Variants in CUL1 observed in about 807,000 individuals in gnomAD.
CUL1 encodes cullin-1.
A neutral mutation model predicts 118.0 loss-of-function variants in CUL1; 24 were observed. The ratio of observed to expected loss-of-function variants is 0.20; its 90% CI spans 0.15 to 0.29. The LOEUF is 0.29. CUL1 is among the 10% of genes least tolerant of loss of function. The probability of loss-of-function intolerance (pLI) is 1.00; values close to 1 mark genes in which losing one functional copy is unlikely to be tolerated. For synonymous variants in CUL1, 332 were observed against 340.4 expected (o/e 0.98, Z 0.27); for missense variants, 361 against 933.8 (o/e 0.39, Z 7.99).
upstream of CUL1, chr7:148,698,300 G>C (rs988118724): frequency 6.6e-6 from 1 of 152,446 alleles, no homozygotes; most frequent in African/African-American, 2.4e-5. Context: ...GTGGGGGTGC[G>C]CACAAGGGAG....
At chr7:148,699,435 C>T (rs1173272613) in intron 1 of CUL1, among the ~76,000 whole-genome samples, 1 of 152,046 alleles carries the variant, frequency 6.6e-6, no homozygotes. Flanking sequence ...GTCCGCGCCT[C>T]GCCTGGTGAG....
At chr7:148,767,004 C>A (rs1287609289) in intron 8 of CUL1, among the ~76,000 whole-genome samples, 4 of 152,132 alleles carry the variant, frequency 2.6e-5, no homozygotes, top group Admixed American at 6.5e-5. Flanking sequence ...TTTGAAAATT[C>A]TCTGAGATGA....
chr7:148,794,693 C>A (rs1345942520), intron 17 of CUL1, among the ~76,000 whole-genome samples: 1 of 152,174 alleles, frequency 6.6e-6, no homozygotes, highest in African/African-American at 2.4e-5. Flanking sequence ...TCTCCCACTC[C>A]ATGAACATGG....
At position 148,731,844 on chromosome 7, in the gene CUL1, G is replaced by A. The variant is rs73467428; in HGVS notation, c.140+1582G>A. 3.4e-3 allele frequency among the ~76,000 whole-genome samples: 514 copies of A among 152,274 alleles called. 2 individuals are homozygous for A. The highest frequency in any genetic ancestry group is 0.012 in the African/African-American group (483 of 41,546). Reference sequence around the variant, plus strand: ...TGCTTGGAGGCTTCATCCTTGTAGCGCGTATCACTGTGTACGTCATTCCTT... The same window carrying A: ...TGCTTGGAGGCTTCATCCTTGTAGCACGTATCACTGTGTACGTCATTCCTT... On this transcript the variant is annotated intron_variant, in intron 2 of 21. Coordinates refer to ENST00000325222, the MANE Select transcript of CUL1 (RefSeq NM_003592.3).
In CUL1 at chr7:148,716,477, A is replaced by AT. The variant is rs1178172000; in HGVS notation, c.-161-13479dup. Among the ~76,000 whole-genome samples the AT allele has an allele frequency of 2.0e-5, 3 of 152,286 alleles. No individual in the cohort carries two copies. The South Asian group carries it at 6.2e-4, about 32-fold the overall frequency. Reference sequence around the variant, plus strand: ...AGAGGTTAGTGAAAATAAAGATGTAATTTTTTGTCCCATCTACATTGAGAA... The same window carrying AT: ...AGAGGTTAGTGAAAATAAAGATGTAATTTTTTTGTCCCATCTACATTGAGAA... On this transcript the variant is annotated intron_variant, in intron 1 of 21. Transcript: ENST00000325222.
intron 9 of CUL1, among the ~76,000 whole-genome samples, chr7:148,782,641 G>A (rs1211658594): frequency 2.0e-5 from 3 of 151,998 alleles, no homozygotes; most frequent in Non-Finnish European, 4.4e-5. Context: ...ATTATATAGA[G>A]CTTTTTTTAA....
At position 148,800,357 on chromosome 7, in the gene CUL1, T is replaced by C. The variant is rs1218141875; in HGVS notation, c.2251-145T>C. 1 of 636,708 alleles carries C rather than the reference T, an allele frequency of 1.6e-6. No individual in the cohort carries two copies. Among genetic ancestry groups the C allele is most frequent in the Non-Finnish European group, 2.8e-6 (1 of 362,634 alleles). The allele number at this position is 636,708 out of a possible 1,614,324, so 39.4% of individuals were successfully genotyped here. On this transcript the variant is annotated intron_variant, in intron 21 of 21. Coordinates refer to ENST00000325222, the MANE Select transcript of CUL1 (RefSeq NM_003592.3). This position sits in a 1 kb window ranked among gnomAD's most constrained non-coding sequence, Gnocchi z 4.6. ...GCTGCCAGGAAGTAAAACTCTATGC[T>C]AACAGATCTGGGGCGGGGACACTGC... is the stretch of plus-strand genomic sequence containing the variant.
intron 1 of CUL1, among the ~76,000 whole-genome samples, chr7:148,714,612 T>G (rs1282505438): frequency 1.3e-5 from 2 of 152,222 alleles, no homozygotes; most frequent in Non-Finnish European, 2.9e-5. Context: ...CTGGCTGGTT[T>G]GGAGTCTGTC....
rs532626267 is a variant in CUL1 at position 148,741,380 on chromosome 7, G to T, written c.140+11118G>T. ...ACTTTCCCACCAGCAGTGTATGAGG[G>T]TTCCAGTTTCTCCACATTCTGGCCA... On this transcript the variant is annotated intron_variant, in intron 2 of 21. Coordinates refer to ENST00000325222, the MANE Select transcript of CUL1 (RefSeq NM_003592.3). Among the ~76,000 whole-genome samples, 8 of 152,284 alleles carry T rather than the reference G, an allele frequency of 5.3e-5. No homozygotes were observed. The South Asian group carries it at 1.7e-3, about 32-fold the overall frequency.
intron 9 of CUL1, among the ~76,000 whole-genome samples, chr7:148,778,230 C>T (rs1440552748): frequency 6.6e-6 from 1 of 151,862 alleles, no homozygotes; most frequent in East Asian, 1.9e-4. Flanking sequence ...TGAGATGATA[C>T]AGTAGAAAAG....
chr7:148,781,327 C>T (rs537858791), intron 9 of CUL1, among the ~76,000 whole-genome samples: 4 of 152,142 alleles, frequency 2.6e-5, no homozygotes, highest in Admixed American at 1.3e-4. Context: ...ATGATCTGCC[C>T]GCCTACGCCT....
At chr7:148,735,823 G>T (rs1311636189) in intron 2 of CUL1, among the ~76,000 whole-genome samples, 1 of 152,156 alleles carries the variant, frequency 6.6e-6, no homozygotes, top group East Asian at 1.9e-4. Flanking sequence ...GGACATACTG[G>T]TTCACAGAAG....
rs147584282 is a variant in CUL1, at chr7:148,700,141, A to C, written c.-162+1112A>C. ...TAGTAGGGGTTAGTGGTAAGTGCGC[A>C]AATACTGAATTGCAGTCTACTTAAA... is the stretch of plus-strand genomic sequence containing the variant. On this transcript the variant is annotated intron_variant, in intron 1 of 21. Transcript: ENST00000325222. Among the ~76,000 whole-genome samples, 21 of 152,328 alleles carry C rather than the reference A, an allele frequency of 1.4e-4. No homozygotes were observed. The East Asian group carries it at 3.9e-3, about 28-fold the overall frequency.
chr7:148,754,241 T>C (rs1016238628), intron 3 of CUL1, 91 bp downstream of exon 3: 1 of 865,212 alleles, frequency 1.2e-6, no homozygotes, highest in African/African-American at 1.7e-5. Context: ...TTCACTGTCA[T>C]CTGTTACTGT....
intron 9 of CUL1, among the ~76,000 whole-genome samples, chr7:148,777,307 A>C (rs188967599): frequency 8.3e-4 from 126 of 152,342 alleles, no homozygotes; most frequent in Non-Finnish European, 2.4e-4. Context: ...TGATTCCAAG[A>C]TAGATATTGA....
intron 9 of CUL1, among the ~76,000 whole-genome samples, chr7:148,782,200 G>A (rs574415341): frequency 6.6e-6 from 1 of 152,304 alleles, no homozygotes; most frequent in Admixed American, 6.5e-5. Flanking sequence ...ATTGGCAGAA[G>A]CAATATCTAT....
At chr7:148,711,369 C>T (rs577720376) in intron 1 of CUL1, among the ~76,000 whole-genome samples, 1 of 152,260 alleles carries the variant, frequency 6.6e-6, no homozygotes, top group Non-Finnish European at 1.5e-5. Flanking sequence ...ACCACAGGTG[C>T]GGTGGGTGAC....
chr7:148,766,563 A>G lies in CUL1; in HGVS notation c.792A>G (p.Ala264=). ...QNPVTEYMKK[A]EARLLEEQRR... ...TCACTTGAATTAATTTTCTCCAGGC[A>G]GAGGCTCGTCTGCTTGAGGAACAAC... The change falls in exon 8 of 22, where the codon GCA becomes GCG. Residue 264 remains alanine (A), a splice_region_variant and synonymous_variant. Transcript: ENST00000325222. The G allele has an allele frequency of 6.3e-7, 1 of 1,598,484 alleles. No homozygotes were observed. Among genetic ancestry groups the G allele is most frequent in the Non-Finnish European group, 8.5e-7 (1 of 1,175,060 alleles).
intron 2 of CUL1, among the ~76,000 whole-genome samples, chr7:148,749,291 C>T (rs1799405339): frequency 6.6e-6 from 1 of 151,632 alleles, no homozygotes; most frequent in Non-Finnish European, 1.5e-5. Flanking sequence ...GTGATGCACG[C>T]CTGTAATCTC....
Sources: allele counts gnomAD v4.1 joint callset (sites outside exome capture counted in the v4.1 genomes callset), GRCh38; gene constraint gnomAD v4.1.1; non-coding constraint Gnocchi (gnomAD v3.1); transcripts MANE v1.5; gene names NCBI Gene and HGNC (gene_info 2026-07-23, HGNC 2026-07-21).